DTWD1: variants seen among roughly 807,000 people sequenced by gnomAD.
DTWD1 encodes the protein tRNA-uridine aminocarboxypropyltransferase 1.
A neutral mutation model predicts 30.2 loss-of-function variants in DTWD1; 27 were observed. The observed-to-expected ratio is 0.90, with a 90% CI of 0.66 to 1.23. The LOEUF is 1.23. Among genes scored for constraint, DTWD1 ranks in the 50% most tolerant of loss-of-function variants. DTWD1 has a pLI of 0.00. For missense variants in DTWD1, 342 were observed against 348.8 expected (o/e 0.98, Z 0.15); for synonymous variants, 99 against 113.1 (o/e 0.88, Z 0.79).
intron 4 of DTWD1, among the ~76,000 whole-genome samples, chr15:49,640,710 G>A (rs2079055739): frequency 7.6e-6 from 1 of 131,608 alleles, no homozygotes; most frequent in South Asian, 2.4e-4. Context: ...TGTTTATTTG[G>A]CCATATACGT....
In DTWD1 at chr15:49,651,569, A is replaced by C. The variant is rs1482982461; in HGVS notation, c.*7991A>C. ...CTGTTGAATGTCCAACCTACAAGCAACACAGACAATACTGCACCCCTGATA... is the reference window on the plus strand; with the variant it reads ...CTGTTGAATGTCCAACCTACAAGCACCACAGACAATACTGCACCCCTGATA... On this transcript the variant is annotated 3_prime_UTR_variant, in exon 5 of 5. Coordinates refer to ENST00000403028, the MANE Select transcript of DTWD1 (RefSeq NM_001144955.2). 2 of 152,136 alleles carry C rather than the reference A, an allele frequency of 1.3e-5. No individual in the cohort carries two copies. The highest frequency in any genetic ancestry group is 4.8e-5 in the African/African-American group (2 of 41,442). 9.4% of individuals were successfully genotyped at this position (152,136 alleles called of 1,614,324 possible). A position where few individuals can be genotyped will look rare whatever the true frequency, so the allele number is the denominator to read the frequency against.
intron 2 of DTWD1, among the ~76,000 whole-genome samples, chr15:49,628,532 A>G (rs952079338): frequency 1.3e-5 from 2 of 151,976 alleles, no homozygotes; most frequent in African/African-American, 2.4e-5. Flanking sequence ...TCGCTAGGCC[A>G]TAGGCATTTA....
At chr15:49,628,837 A>T (rs1004967832) in intron 2 of DTWD1, among the ~76,000 whole-genome samples, 15 of 151,672 alleles carry the variant, frequency 9.9e-5, no homozygotes, top group African/African-American at 2.7e-4. Context: ...AAAAAAGCAA[A>T]TTTTTTTTCT....
At chr15:49,638,455 C>T (rs1476450806) in intron 4 of DTWD1, among the ~76,000 whole-genome samples, 1 of 152,162 alleles carries the variant, frequency 6.6e-6, no homozygotes, top group African/African-American at 2.4e-5. Flanking sequence ...CCTACTTCAA[C>T]CCCTGTCCTT....
In DTWD1 at chr15:49,646,796, A is replaced by G. The variant is rs2079121963; in HGVS notation, c.*3218A>G. The G allele has an allele frequency of 6.6e-6, 1 of 152,152 alleles. No individual in the cohort carries two copies. Among genetic ancestry groups the G allele is most frequent in the African/African-American group, 2.4e-5 (1 of 41,432 alleles). 9.4% of individuals were successfully genotyped at this position (152,152 alleles called of 1,614,324 possible). A position where few individuals can be genotyped will look rare whatever the true frequency, so the allele number is the denominator to read the frequency against. ...GCTACACAGTAATTTATCAGTTTGCATTTGCCTCCCATTATTGCCAGCCTC... is the reference window on the plus strand; with the variant it reads ...GCTACACAGTAATTTATCAGTTTGCGTTTGCCTCCCATTATTGCCAGCCTC... On this transcript the variant is annotated 3_prime_UTR_variant, in exon 5 of 5. Coordinates refer to ENST00000403028, the MANE Select transcript of DTWD1 (RefSeq NM_001144955.2).
In DTWD1 at chr15:49,634,505, C is replaced by T. The variant is rs747230380; in HGVS notation, c.409-31C>T. On this transcript the variant is annotated intron_variant, in intron 3 of 4. Coordinates refer to ENST00000403028, the MANE Select transcript of DTWD1 (RefSeq NM_001144955.2). ...TTATATATTTTGAAGATCATAGTAG[C>T]ACACTGCTAACCCAATTTTCTTTGT... The T allele has an allele frequency of 5.7e-6, 9 of 1,567,298 alleles. No individual in the cohort carries two copies. The Admixed American group carries it at 1.8e-4, about 32-fold the overall frequency.
chr15:49,637,376 T>A (rs1368428310), intron 4 of DTWD1, among the ~76,000 whole-genome samples: 5 of 152,122 alleles, frequency 3.3e-5, no homozygotes, highest in Admixed American at 3.3e-4. Context: ...TCACTTGTAC[T>A]TTTTTTCTGT....
At chr15:49,635,678 A>T (rs1266742446) in intron 4 of DTWD1, among the ~76,000 whole-genome samples, 1 of 150,322 alleles carries the variant, frequency 6.7e-6, no homozygotes, top group African/African-American at 2.4e-5. Context: ...GTATTTTCAT[A>T]GAGACGGGTT....
rs373199547 is a variant in DTWD1, at chr15:49,625,326, T to C, written c.159T>C (p.Ser53=). 164 of 1,613,584 alleles carry C rather than the reference T, an allele frequency of 1.0e-4. No homozygotes were observed. Among genetic ancestry groups the C allele is most frequent in the Non-Finnish European group, 1.2e-4 (145 of 1,179,784 alleles). The change falls in exon 2 of 5, where the codon AGT becomes AGC. Residue 53 remains serine, a synonymous_variant. Transcript: ENST00000403028. The stretch of plus-strand genomic sequence containing the variant: ...AAGTTCTTCAAAAAGCTCAGCAAAG[T>C]GGGAGATCAAAATGTCTCAAATGTG... ...SQEVLQKAQQ[S]GRSKCLKCGG... is the part of the protein sequence containing the mutation.
intron 4 of DTWD1, among the ~76,000 whole-genome samples, chr15:49,637,164 C>T (rs1659301667): frequency 6.6e-6 from 1 of 151,914 alleles, no homozygotes; most frequent in African/African-American, 2.4e-5. Context: ...TCTTTCCACC[C>T]CTTTTTGAGA....
At position 49,634,810 on chromosome 15, in the gene DTWD1, T is replaced by A. The variant is rs774668720; in HGVS notation, c.667+16T>A. Reference sequence around the variant, plus strand: ...CGACTTCAAGGTAAAAAAAAAATGTTTTTTTGGACTGCTCCTCCCTCAGAC... The same window carrying A: ...CGACTTCAAGGTAAAAAAAAAATGTATTTTTGGACTGCTCCTCCCTCAGAC... On this transcript the variant is annotated intron_variant, in intron 4 of 4. Coordinates refer to ENST00000403028, the MANE Select transcript of DTWD1 (RefSeq NM_001144955.2). The A allele has an allele frequency of 6.5e-7, 1 of 1,549,664 alleles. No individual in the cohort carries two copies. Among genetic ancestry groups the A allele is most frequent in the South Asian group, 1.3e-5 (1 of 79,304 alleles).
chr15:49,645,787 A>T lies in DTWD1; in HGVS notation c.*2209A>T, dbSNP rs1232055227. ...AAGAGCCTAATTTACAGCTAAGGCC[A>T]GATAAAATCTCAGGTTCTTTTCAAA... On this transcript the variant is annotated 3_prime_UTR_variant, in exon 5 of 5. Coordinates refer to ENST00000403028, the MANE Select transcript of DTWD1 (RefSeq NM_001144955.2). 1 of 152,198 alleles carries T rather than the reference A, an allele frequency of 6.6e-6. No homozygotes were observed. Among genetic ancestry groups the T allele is most frequent in the Non-Finnish European group, 1.5e-5 (1 of 68,022 alleles). 9.4% of individuals were successfully genotyped at this position (152,198 alleles called of 1,614,324 possible).
At position 49,653,288 on chromosome 15, in the gene DTWD1, GAGA is replaced by G; in HGVS notation, c.*9715_*9717del. On this transcript the variant is annotated 3_prime_UTR_variant, in exon 5 of 5. Transcript: ENST00000403028. The stretch of plus-strand genomic sequence containing the variant: ...AGAGGATGTCAGAATGATGTGAAAT[GAGA>G]AGAACTCAACCTGCTATTGTTGGCT... The G allele has an allele frequency of 6.6e-6, 1 of 152,212 alleles. No homozygotes were observed. Among genetic ancestry groups the G allele is most frequent in the South Asian group, 2.1e-4 (1 of 4,824 alleles). 9.4% of individuals were successfully genotyped at this position (152,212 alleles called of 1,614,324 possible).
At chr15:49,636,982 CTT>C (rs2079010646) in intron 4 of DTWD1, among the ~76,000 whole-genome samples, 1 of 152,122 alleles carries the variant, frequency 6.6e-6, no homozygotes, top group African/African-American at 2.4e-5. Flanking sequence ...TTCCCAAAAA[CTT>C]TTCACCAGTG....
intron 4 of DTWD1, among the ~76,000 whole-genome samples, chr15:49,640,700 T>TGTTG (rs1402783892): frequency 2.0e-5 from 3 of 151,612 alleles, no homozygotes; most frequent in Non-Finnish European, 4.4e-5. Context: ...ATAATTACAT[T>TGTTG]GTTTATTTGG....
At position 49,645,735 on chromosome 15, in the gene DTWD1, A is replaced by G. The variant is rs890495101; in HGVS notation, c.*2157A>G. 1 of 152,128 alleles carries G rather than the reference A, an allele frequency of 6.6e-6. No individual in the cohort carries two copies. The highest frequency in any genetic ancestry group is 2.4e-5 in the African/African-American group (1 of 41,442). The allele number at this position is 152,128 out of a possible 1,614,324, so 9.4% of individuals were successfully genotyped here. A position where few individuals can be genotyped will look rare whatever the true frequency, so the allele number is the denominator to read the frequency against. On this transcript the variant is annotated 3_prime_UTR_variant, in exon 5 of 5. Transcript: ENST00000403028. ...CATTTGCCTCCATCTCTCAGCTGGC[A>G]TAAGAAAGATGACCCACGTACTTCA...
chr15:49,634,930 T>TC, intron 4 of DTWD1, 136 bp downstream of exon 4: 6 of 767,494 alleles, frequency 7.8e-6, no homozygotes, highest in Middle Eastern at 3.5e-4. Flanking sequence ...TTTCTCTCTT[T>TC]TTATTATATA....
intron 2 of DTWD1, among the ~76,000 whole-genome samples, chr15:49,628,729 C>A (rs910921822): frequency 6.6e-6 from 1 of 152,030 alleles, no homozygotes; most frequent in Non-Finnish European, 1.5e-5. Context: ...AATGTCTCTA[C>A]TCAGACTGCC....
At chr15:49,641,791 T>A (rs912365120) in intron 4 of DTWD1, among the ~76,000 whole-genome samples, 1 of 152,144 alleles carries the variant, frequency 6.6e-6, no homozygotes, top group African/African-American at 2.4e-5. Flanking sequence ...GTCTTTGGTC[T>A]TTGGTCATTC....
Sources: allele counts gnomAD v4.1 joint callset (sites outside exome capture counted in the v4.1 genomes callset), GRCh38; gene constraint gnomAD v4.1.1; transcripts MANE v1.5; gene names NCBI Gene and HGNC (gene_info 2026-07-23, HGNC 2026-07-21).